The following CIBAR1 variants were observed in gnomAD, a reference collection of about 807,000 sequenced individuals.
CIBAR1 encodes CBY1 interacting BAR domain containing 1.
Under a neutral mutation model 44.0 loss-of-function variants are expected in CIBAR1, and 25 were observed. The observed-to-expected ratio is 0.57, with a 90% confidence interval of 0.41 to 0.79. The LOEUF is 0.79. Among genes scored for constraint, CIBAR1 ranks in the 30% least tolerant of loss-of-function variants. The pLI, the probability that CIBAR1 is intolerant of heterozygous loss-of-function variation, is 0.00. For synonymous variants in CIBAR1, 115 were observed against 119.0 expected (o/e 0.97, Z 0.22); for missense variants, 278 against 344.8 (o/e 0.81, Z 1.53).
At chr8:93,707,491 G>A (rs1269985644) in intron 4 of CIBAR1, among the ~76,000 whole-genome samples, 1 of 152,222 alleles carries the variant, frequency 6.6e-6, no homozygotes, top group Admixed American at 6.5e-5. Flanking sequence ...TCAAAAGGAA[G>A]TAGTCACAAG....
chr8:93,719,837 A>T (rs2130359148), intron 7 of CIBAR1: 1 of 152,318 alleles, frequency 6.6e-6, no homozygotes, highest in Admixed American at 6.5e-5. Flanking sequence ...ACTGTTCAAG[A>T]CATACTTTCC....
intron 7 of CIBAR1, among the ~76,000 whole-genome samples, chr8:93,723,622 AT>A (rs1036182775): frequency 1.3e-5 from 2 of 152,090 alleles, no homozygotes; most frequent in African/African-American, 4.8e-5. Flanking sequence ...TTTAATTAAC[AT>A]CTTCTATTTG....
In CIBAR1 at chr8:93,714,995, G is replaced by C. The variant is rs367994548; in HGVS notation, c.544-3680G>C. 5.3e-4 allele frequency among the ~76,000 whole-genome samples: 81 copies of C among 152,304 alleles called. No homozygotes were observed. The East Asian group carries it at 7.5e-3, about 14-fold the overall frequency. On this transcript the variant is annotated intron_variant, in intron 6 of 8. Transcript: ENST00000518322. ...GTTTGTGGCTCCTTTAACCATTCTG[G>C]AAGCAGAAATGATTGGCAGTAGTGA...
intron 8 of CIBAR1, 53 bp downstream of exon 8, chr8:93,726,566 T>A (rs768764473): frequency 5.0e-5 from 80 of 1,594,038 alleles, no homozygotes; most frequent in Non-Finnish European, 6.8e-5. Flanking sequence ...TTTGGAATTG[T>A]TGAGTTCTAA....
intron 4 of CIBAR1, chr8:93,706,045 G>A (rs1318931187): frequency 6.6e-6 from 1 of 152,066 alleles, no homozygotes; most frequent in Non-Finnish European, 1.5e-5. Context: ...CTTCCTTAAG[G>A]TTGTTACTGC....
intron 5 of CIBAR1, among the ~76,000 whole-genome samples, chr8:93,709,372 C>T (rs1024158793): frequency 2.0e-5 from 3 of 151,942 alleles, no homozygotes; most frequent in African/African-American, 7.3e-5. Flanking sequence ...GGAGAAATGG[C>T]TAATGGAGAG....
At chr8:93,707,522 G>C (rs1810646207) in intron 4 of CIBAR1, among the ~76,000 whole-genome samples, 1 of 152,220 alleles carries the variant, frequency 6.6e-6, no homozygotes, top group African/African-American at 2.4e-5. Context: ...CATCAGTCAT[G>C]TGTAATAAAC....
chr8:93,700,710 A>T (rs1411754505), intron 1 of CIBAR1, 37 bp downstream of exon 1: 24 of 1,487,712 alleles, frequency 1.6e-5, no homozygotes, highest in Non-Finnish European at 2.1e-5. Flanking sequence ...GGCCGCCCAC[A>T]CTGGAGGGCT....
intron 4 of CIBAR1, chr8:93,705,297 A>G (rs757094616): frequency 1.3e-5 from 5 of 390,936 alleles, no homozygotes; most frequent in Non-Finnish European, 1.8e-5. Context: ...TTATTTTCAC[A>G]TGGTGATGAC....
rs1270072054 is a variant in CIBAR1 at position 93,731,519 on chromosome 8, C to T, written c.*3222C>T. On this transcript the variant is annotated 3_prime_UTR_variant, in exon 9 of 9. Coordinates refer to ENST00000518322, the MANE Select transcript of CIBAR1 (RefSeq NM_145269.5). ...AGGTGCTTTTTCATATCAAATTTAC[C>T]TGTTTATTCATTCCATAGCAAGCAG... is the stretch of plus-strand genomic sequence containing the variant. 6.6e-6 allele frequency: 1 copy of T among 152,088 alleles called. No homozygotes were observed. The highest frequency in any genetic ancestry group is 1.5e-5 in the Non-Finnish European group (1 of 68,014). 9.4% of individuals were successfully genotyped at this position (152,088 alleles called of 1,614,324 possible).
intron 1 of CIBAR1, chr8:93,700,986 C>A: frequency 7.2e-7 from 1 of 1,395,464 alleles, no homozygotes; most frequent in Non-Finnish European, 9.2e-7. Flanking sequence ...GCCGGAGCAG[C>A]CACCTCCCCA....
intron 6 of CIBAR1, among the ~76,000 whole-genome samples, chr8:93,710,361 T>TA (rs961931159): frequency 1.3e-5 from 2 of 152,084 alleles, no homozygotes; most frequent in African/African-American, 4.8e-5. Flanking sequence ...GTTTTTTTTT[T>TA]AGTAGAAACA....
intron 1 of CIBAR1, 132 bp from the exon 2 acceptor site, chr8:93,701,092 G>C: frequency 6.7e-7 from 1 of 1,484,758 alleles, no homozygotes; most frequent in Non-Finnish European, 9.0e-7. Flanking sequence ...CGCGCCGGGA[G>C]ACGCTGGGTC....
At chr8:93,715,403 T>G (rs1036459468) in intron 6 of CIBAR1, 1 of 152,200 alleles carries the variant, frequency 6.6e-6, no homozygotes, top group African/African-American at 2.4e-5. Flanking sequence ...TTATTTTTAT[T>G]ATAAATATAA....
intron 6 of CIBAR1, among the ~76,000 whole-genome samples, chr8:93,712,479 C>G (rs1487464285): frequency 1.3e-5 from 2 of 152,088 alleles, no homozygotes; most frequent in African/African-American, 4.8e-5. Context: ...CACCTTTTGG[C>G]TATTGTGAAT....
rs749411547 is a variant in CIBAR1, at chr8:93,708,004, A to G, written c.433-7A>G. On this transcript the variant is annotated splice_polypyrimidine_tract_variant and splice_region_variant and intron_variant, in intron 4 of 8. Coordinates refer to ENST00000518322, the MANE Select transcript of CIBAR1 (RefSeq NM_145269.5). ...AAATGTATTTTTTCCTTTATGAAAA[A>G]TTTCAGTCACAGGTGGGTAATAAAG... 3.2e-6 allele frequency: 5 copies of G among 1,564,622 alleles called. No individual in the cohort carries two copies. The highest frequency in any genetic ancestry group is 1.3e-5 in the African/African-American group (1 of 74,382).
intron 6 of CIBAR1, among the ~76,000 whole-genome samples, chr8:93,716,803 GT>G (rs1209951472): frequency 2.0e-5 from 3 of 152,152 alleles, no homozygotes; most frequent in East Asian, 1.9e-4. Context: ...TGGCAGCTGT[GT>G]TTTGCATGTG....
At chr8:93,722,862 G>A (rs571621988) in intron 7 of CIBAR1, among the ~76,000 whole-genome samples, 106 of 152,276 alleles carry the variant, frequency 7.0e-4, no homozygotes, top group Middle Eastern at 3.4e-3. Context: ...AACTGGTATA[G>A]ACTTGTATCC....
chr8:93,718,055 G>C (rs1220016267), intron 6 of CIBAR1, among the ~76,000 whole-genome samples: 1 of 152,174 alleles, frequency 6.6e-6, no homozygotes, highest in Non-Finnish European at 1.5e-5. Flanking sequence ...CCTTAAATGA[G>C]CTATAACCTT....
Sources: allele counts gnomAD v4.1 joint callset (sites outside exome capture counted in the v4.1 genomes callset), GRCh38; gene constraint gnomAD v4.1.1; transcripts MANE v1.5; gene names NCBI Gene and HGNC (gene_info 2026-07-23, HGNC 2026-07-21).